The following DLGAP1 variants were observed in gnomAD, a reference collection of about 807,000 sequenced individuals.
The protein encoded by DLGAP1 is DLG associated protein 1.
Under a neutral mutation model 90.8 loss-of-function variants are expected in DLGAP1, and 11 were observed. The observed-to-expected ratio is 0.12, with a 90% CI of 0.08 to 0.20. The LOEUF (loss-of-function observed/expected upper bound fraction) is 0.20. Among genes scored for constraint, DLGAP1 ranks in the 10% least tolerant of loss-of-function variants. The probability of loss-of-function intolerance (pLI) is 1.00; values close to 1 mark genes in which losing one functional copy is unlikely to be tolerated. For synonymous variants in DLGAP1, 558 were observed against 540.7 expected, an observed-to-expected ratio of 1.03 and a Z score of -0.44; for missense variants, 1,050 against 1,333.8, an observed-to-expected ratio of 0.79 and a Z score of 3.31.
At chr18:4,129,084 A>G (rs1233179442) in intron 2 of DLGAP1, among the ~76,000 whole-genome samples, 2 of 152,182 alleles carry the variant, frequency 1.3e-5, no homozygotes, top group East Asian at 1.9e-4. Flanking sequence ...AAGGCCATCT[A>G]TAAGTACAAT....
intron 1 of DLGAP1, among the ~76,000 whole-genome samples, chr18:4,226,151 T>G (rs2078182497): frequency 1.3e-5 from 2 of 152,082 alleles, no homozygotes; most frequent in South Asian, 2.1e-4. Context: ...ATATATACTG[T>G]GCTGAAGGAG....
chr18:3,946,122 TA>T (rs1599200237), intron 3 of DLGAP1, among the ~76,000 whole-genome samples: 2 of 151,776 alleles, frequency 1.3e-5, no homozygotes, highest in African/African-American at 4.9e-5. Flanking sequence ...TTTATTCCCT[TA>T]TTTTTTTTTT....
chr18:3,977,799 A>G (rs1276917171), intron 3 of DLGAP1: 2 of 383,258 alleles, frequency 5.2e-6, no homozygotes, highest in Non-Finnish European at 1.0e-5. Flanking sequence ...TGTTAAAGTC[A>G]GAGGCGACAA....
chr18:3,642,652 G>A (rs1176908964), intron 7 of DLGAP1, among the ~76,000 whole-genome samples: 1 of 152,156 alleles, frequency 6.6e-6, no homozygotes, highest in African/African-American at 2.4e-5. Context: ...AGTGGCTACT[G>A]AGTTACTGTG....
chr18:4,333,774 C>T (rs969752587), intron 1 of DLGAP1, among the ~76,000 whole-genome samples: 26 of 151,276 alleles, frequency 1.7e-4, no homozygotes, highest in Non-Finnish European at 2.9e-4. Context: ...CGCCCACCAC[C>T]ACGCCCGGCT....
chr18:4,092,370 G>A (rs7505827), intron 2 of DLGAP1, among the ~76,000 whole-genome samples: 1 of 151,982 alleles, frequency 6.6e-6, no homozygotes, highest in Non-Finnish European at 1.5e-5. Flanking sequence ...GGCCCTGTGT[G>A]TCTGGATCTT....
intron 7 of DLGAP1, among the ~76,000 whole-genome samples, chr18:3,648,313 T>G (rs1384602017): frequency 6.6e-6 from 1 of 152,250 alleles, no homozygotes; most frequent in Non-Finnish European, 1.5e-5. Context: ...CATCAATGGA[T>G]TCAACAAAAC....
At chr18:3,567,009 G>A (rs2054464706) in intron 9 of DLGAP1, among the ~76,000 whole-genome samples, 2 of 152,062 alleles carry the variant, frequency 1.3e-5, no homozygotes, top group South Asian at 2.1e-4. Flanking sequence ...TGAAGGACTG[G>A]TGATTCAGGA....
intron 3 of DLGAP1, among the ~76,000 whole-genome samples, chr18:3,957,106 G>A (rs900832067): frequency 6.6e-6 from 1 of 152,168 alleles, no homozygotes; most frequent in Admixed American, 6.5e-5. Flanking sequence ...AGTTAATCTC[G>A]AGATGTGGAG....
At chr18:4,359,323 A>G (rs1217150637) in intron 1 of DLGAP1, among the ~76,000 whole-genome samples, 1 of 152,210 alleles carries the variant, frequency 6.6e-6, no homozygotes, top group Non-Finnish European at 1.5e-5. Flanking sequence ...AGTAGATCAT[A>G]AGACCCTCAT....
intron 3 of DLGAP1, among the ~76,000 whole-genome samples, chr18:3,905,770 A>G (rs1182944242): frequency 6.6e-6 from 1 of 152,172 alleles, no homozygotes; most frequent in Admixed American, 6.5e-5. Context: ...TCTAGTCCTG[A>G]GAGATATTCT....
At chr18:3,961,998 G>A (rs959255411) in intron 3 of DLGAP1, among the ~76,000 whole-genome samples, 2 of 152,176 alleles carry the variant, frequency 1.3e-5, no homozygotes, top group Non-Finnish European at 2.9e-5. Context: ...TCCCTTCGCC[G>A]TGTATTAACA....
intron 2 of DLGAP1, among the ~76,000 whole-genome samples, chr18:4,098,102 C>T (rs118160903): frequency 0.013 from 2,024 of 152,178 alleles, 27 homozygotes; most frequent in Non-Finnish European, 0.019. Context: ...TTTGTAGAGA[C>T]GGGATTTTGC....
chr18:4,319,158 A>T (rs907842909), intron 1 of DLGAP1, among the ~76,000 whole-genome samples: 2 of 152,210 alleles, frequency 1.3e-5, no homozygotes, highest in African/African-American at 4.8e-5. Flanking sequence ...ATTAGTTTAA[A>T]AAGATATATC....
chr18:4,081,187 T>C (rs2075602484), intron 2 of DLGAP1, among the ~76,000 whole-genome samples: 1 of 151,914 alleles, frequency 6.6e-6, no homozygotes, highest in Non-Finnish European at 1.5e-5. Context: ...TGTGCCCAGC[T>C]GAATGCCTTT....
intron 5 of DLGAP1, among the ~76,000 whole-genome samples, chr18:3,766,356 A>G (rs117128799): frequency 0.021 from 3,270 of 152,266 alleles, 61 homozygotes; most frequent in Middle Eastern, 0.088. Context: ...TGAAAGGAGA[A>G]ATAGAAAAAT....
At chr18:4,290,667 C>T (rs2079823897) in intron 1 of DLGAP1, among the ~76,000 whole-genome samples, 1 of 152,044 alleles carries the variant, frequency 6.6e-6, no homozygotes, top group East Asian at 1.9e-4. Flanking sequence ...AGTCCAATAA[C>T]AGTAAAACAA....
At chr18:3,690,339 G>A (rs1415844412) in intron 7 of DLGAP1, among the ~76,000 whole-genome samples, 3 of 151,762 alleles carry the variant, frequency 2.0e-5, no homozygotes, top group Admixed American at 6.6e-5. Flanking sequence ...TGTCCCCTAC[G>A]GCCTCTCAAA....
intron 2 of DLGAP1, among the ~76,000 whole-genome samples, chr18:4,139,634 T>G (rs2076463557): frequency 1.3e-5 from 2 of 152,156 alleles, no homozygotes; most frequent in South Asian, 4.1e-4. Flanking sequence ...TTAGGTCCAA[T>G]TAGTCTACAC....
Sources: allele counts gnomAD v4.1 joint callset (sites outside exome capture counted in the v4.1 genomes callset), GRCh38; gene constraint gnomAD v4.1.1; transcripts MANE v1.5; gene names NCBI Gene and HGNC (gene_info 2026-07-23, HGNC 2026-07-21).